The following ELMOD1 variants were observed in gnomAD, a reference collection of about 807,000 sequenced individuals.
ELMOD1 encodes ELMO domain-containing protein 1.
In ELMOD1, 21 loss-of-function variants were observed where a neutral mutation model predicts 46.7. The observed-to-expected ratio is 0.45, with a 90% CI of 0.32 to 0.65. The LOEUF is 0.65. Ranked by LOEUF, ELMOD1 falls within the 30% of genes least tolerant of loss-of-function variation. The pLI, the probability that ELMOD1 is intolerant of heterozygous loss-of-function variation, is 0.04. For synonymous variants in ELMOD1, 122 were observed against 138.2 expected (o/e 0.88, Z 0.82); for missense variants, 348 against 407.8 (o/e 0.85, Z 1.26).
intron 11 of ELMOD1, among the ~76,000 whole-genome samples, chr11:107,662,470 C>T (rs1229781950): frequency 6.6e-6 from 1 of 151,012 alleles, no homozygotes; most frequent in Admixed American, 6.6e-5. Context: ...ATCAGCCAGG[C>T]GTGGTGGCGC....
rs1866514561 is a variant in ELMOD1 at position 107,650,900 on chromosome 11, A to C, written c.639A>C (p.Glu213Asp). The change falls in exon 9 of 12, where the codon GAA becomes GAC. Residue 213 changes from glutamate (E) to aspartate (D), a missense_variant. Physicochemically the swap from Glu to Asp is conservative, Grantham distance 45. Transcript: ENST00000265840. Reference sequence around the variant, plus strand: ...TTACATGAAGGGATATCACTAAAGAAGAAATAAGGTATTTTTTCTTTGTTT... The same window carrying C: ...TTACATGAAGGGATATCACTAAAGACGAAATAAGGTATTTTTTCTTTGTTT... ...LHPKCRDITK[E>D]EISKFSKAEW... 8.9e-7 allele frequency: 1 copy of C among 1,122,068 alleles called. No individual in the cohort carries two copies. The highest frequency in any genetic ancestry group is 3.2e-5 in the East Asian group (1 of 31,326). 69.5% of individuals were successfully genotyped at this position (1,122,068 alleles called of 1,614,324 possible). A position where few individuals can be genotyped will look rare whatever the true frequency, so the allele number is the denominator to read the frequency against.
intron 2 of ELMOD1, among the ~76,000 whole-genome samples, chr11:107,627,111 C>T (rs1265948691): frequency 6.6e-6 from 1 of 152,094 alleles, no homozygotes; most frequent in South Asian, 2.1e-4. Flanking sequence ...TAAAAAAATA[C>T]AGTAACTAGC....
chr11:107,645,900 A>G lies in ELMOD1; in HGVS notation c.421-1568A>G, dbSNP rs555540245. Reference sequence around the variant, plus strand: ...ACAGCTTTTATTAGTATTTTCTGTCATTGAATATTATGTTTTACACTGTGT... The same window carrying G: ...ACAGCTTTTATTAGTATTTTCTGTCGTTGAATATTATGTTTTACACTGTGT... On this transcript the variant is annotated intron_variant, in intron 6 of 11. Transcript: ENST00000265840. Among the ~76,000 whole-genome samples the G allele has an allele frequency of 2.6e-4, 39 of 152,336 alleles. 1 individual carries two copies. In the Middle Eastern group the frequency reaches 0.014, roughly 54 times the overall value.
chr11:107,600,831 G>T (rs1343047491), intron 1 of ELMOD1: 2 of 151,938 alleles, frequency 1.3e-5, no homozygotes, highest in Non-Finnish European at 2.9e-5. Flanking sequence ...CTACTTGTTG[G>T]AGGCAATGCT....
At chr11:107,613,575 AT>A (rs1391573932) in intron 1 of ELMOD1, among the ~76,000 whole-genome samples, 2 of 152,236 alleles carry the variant, frequency 1.3e-5, no homozygotes, top group Non-Finnish European at 2.9e-5. Flanking sequence ...CAAGGGATAA[AT>A]TCAAGAACTA....
chr11:107,655,135 A>G (rs913420656), intron 10 of ELMOD1, among the ~76,000 whole-genome samples: 2 of 138,446 alleles, frequency 1.4e-5, no homozygotes, highest in African/African-American at 5.7e-5. Context: ...GTGGCATCTT[A>G]TTTTAGTTTC....
chr11:107,640,182 A>T (rs1351899130), intron 6 of ELMOD1, among the ~76,000 whole-genome samples: 1 of 152,064 alleles, frequency 6.6e-6, no homozygotes, highest in Non-Finnish European at 1.5e-5. Flanking sequence ...GGTTTTTTTT[A>T]AATAGGAAAT....
chr11:107,604,655 G>A (rs1319081076), intron 1 of ELMOD1, among the ~76,000 whole-genome samples: 1 of 152,162 alleles, frequency 6.6e-6, no homozygotes, highest in Non-Finnish European at 1.5e-5. Flanking sequence ...TGGCACTGAT[G>A]AAATACCATT....
intron 11 of ELMOD1, among the ~76,000 whole-genome samples, chr11:107,662,523 T>C (rs1312815481): frequency 6.6e-6 from 1 of 150,648 alleles, no homozygotes; most frequent in East Asian, 2.0e-4. Flanking sequence ...GGCAGGAGAA[T>C]CGCTTGAACC....
chr11:107,603,817 G>T (rs570991606), intron 1 of ELMOD1, among the ~76,000 whole-genome samples: 1 of 151,630 alleles, frequency 6.6e-6, no homozygotes, highest in Admixed American at 6.6e-5. Context: ...GGCAGAGGTT[G>T]CAGTGAACCA....
rs759612096 is a variant in ELMOD1, at chr11:107,665,133, T to G, written c.941T>G (p.Leu314Arg). The G allele has an allele frequency of 2.5e-6, 4 of 1,613,904 alleles. No homozygotes were observed. The Admixed American group carries it at 6.7e-5, about 27-fold the overall frequency. The change falls in exon 12 of 12, where the codon CTG becomes CGG. Residue 314 changes from leucine to arginine, a missense_variant. Coordinates refer to ENST00000265840, the MANE Select transcript of ELMOD1 (RefSeq NM_018712.4). The part of the protein sequence containing the change: ...EKFRKRIIKQ[L>R]QNPDMALCPH... ...TTCCGCAAGAGGATCATCAAACAGC[T>G]GCAGAACCCAGACATGGCGCTGTGC...
Position 107,630,571 on chromosome 11 carries a change from G to T in ELMOD1, c.163+9G>T, listed in dbSNP as rs749714059. 2.5e-6 allele frequency: 4 copies of T among 1,608,950 alleles called. No individual in the cohort carries two copies. Among genetic ancestry groups the T allele is most frequent in the Admixed American group, 1.7e-5 (1 of 59,192 alleles). On this transcript the variant is annotated intron_variant, in intron 3 of 11. Transcript: ENST00000265840. ...TAGAACCATGAAAATCGGTAAGCCTGAGACAAAGAAGTAAGCAAAAGGTAG... is the reference window on the plus strand; with the variant it reads ...TAGAACCATGAAAATCGGTAAGCCTTAGACAAAGAAGTAAGCAAAAGGTAG...
rs1866578826 is a variant in ELMOD1, at chr11:107,654,173, A to G, written c.649A>G (p.Lys217Glu). ...CRDITKEEIS[K>E]FSKAEWEKKR... ...TTACTTATTCATTCATCCATTCAGCAAATTCAGCAAAGCAGAATGGGAGAA... is the reference window on the plus strand; with the variant it reads ...TTACTTATTCATTCATCCATTCAGCGAATTCAGCAAAGCAGAATGGGAGAA... The change falls in exon 10 of 12, where the codon AAA becomes GAA. Residue 217 changes from lysine (K) to glutamate (E), a missense_variant and splice_region_variant. Transcript: ENST00000265840. 1.9e-6 allele frequency: 3 copies of G among 1,581,786 alleles called. No individual in the cohort carries two copies. In the East Asian group the frequency reaches 6.9e-5, roughly 36 times the overall value.
intron 6 of ELMOD1, chr11:107,643,171 A>G: frequency 5.5e-6 from 1 of 181,000 alleles, no homozygotes; most frequent in Non-Finnish European, 1.1e-5. Context: ...GTGAAACCCC[A>G]TCCTGACCAA....
At chr11:107,602,828 T>C (rs892408436) in intron 1 of ELMOD1, among the ~76,000 whole-genome samples, 6 of 151,538 alleles carry the variant, frequency 4.0e-5, no homozygotes, top group African/African-American at 1.5e-4. Context: ...ATATTTAAGA[T>C]TGAGGCACTA....
intron 1 of ELMOD1, among the ~76,000 whole-genome samples, chr11:107,594,609 C>G (rs994583880): frequency 6.6e-6 from 1 of 152,102 alleles, no homozygotes; most frequent in African/African-American, 2.4e-5. Flanking sequence ...TCACACAATA[C>G]TGGAATATAT....
intron 5 of ELMOD1, among the ~76,000 whole-genome samples, chr11:107,634,787 C>T (rs1866199556): frequency 6.6e-6 from 1 of 151,958 alleles, no homozygotes; most frequent in Non-Finnish European, 1.5e-5. Context: ...AATAAGATGT[C>T]CCATGAGAGG....
chr11:107,633,831 T>C (rs1299708818), intron 5 of ELMOD1, among the ~76,000 whole-genome samples: 2 of 152,198 alleles, frequency 1.3e-5, no homozygotes, highest in Non-Finnish European at 2.9e-5. Flanking sequence ...ACATGGACTT[T>C]CTAGGTGGCT....
rs907571785 is a variant in ELMOD1 at position 107,630,535 on chromosome 11, C to T, written c.136C>T (p.Pro46Ser). The T allele has an allele frequency of 3.7e-6, 6 of 1,610,264 alleles. No homozygotes were observed. In the African/African-American group the frequency reaches 5.3e-5, roughly 14 times the overall value. ...ACAACGGATCTGTTATAATACCAAG[C>T]CGGGAGCTTCTAGAACCATGAAAAT... Reference protein sequence around the residue: ...ELQRICYNTKPGASRTMKIET... With the variant: ...ELQRICYNTKSGASRTMKIET... The change falls in exon 3 of 12, where the codon CCG becomes TCG. Residue 46 changes from proline (P) to serine (S), a missense_variant. By Grantham distance (74) the Pro-to-Ser change is moderately conservative. Coordinates refer to ENST00000265840, the MANE Select transcript of ELMOD1 (RefSeq NM_018712.4).
Sources: gnomAD v4.1 joint callset for allele counts (sites outside exome capture counted in the v4.1 genomes callset) on GRCh38, gnomAD v4.1.1 for gene constraint, MANE v1.5 for transcripts, NCBI Gene and HGNC (gene_info 2026-07-23, HGNC 2026-07-21) for gene names.